Variants in GLRA3 observed in about 807,000 individuals in gnomAD.
GLRA3 encodes the protein glycine receptor subunit alpha-3.
In GLRA3, 44 loss-of-function variants were observed where a neutral mutation model predicts 60.4. That is an observed-to-expected ratio of 0.73 (90% confidence interval 0.57 to 0.94). The LOEUF (loss-of-function observed/expected upper bound fraction) is 0.94, where lower values mean the gene tolerates loss of function less well. GLRA3 is among the 40% of genes least tolerant of loss of function. The pLI, the probability that GLRA3 is intolerant of heterozygous loss-of-function variation, is 0.00. For synonymous variants in GLRA3, 223 were observed against 192.9 expected, an observed-to-expected ratio of 1.16 and a Z score of -1.29; for missense variants, 508 against 564.6, an observed-to-expected ratio of 0.90 and a Z score of 1.02.
chr4:174,805,754 T>C (rs1444385331), intron 1 of GLRA3, among the ~76,000 whole-genome samples: 3 of 152,172 alleles, frequency 2.0e-5, no homozygotes, highest in Admixed American at 1.3e-4. Context: ...CAGGTTGATA[T>C]AGAACTCAGT....
At chr4:174,820,900 CA>C (rs776852774) in intron 1 of GLRA3, among the ~76,000 whole-genome samples, 1 of 151,850 alleles carries the variant, frequency 6.6e-6, no homozygotes, top group Non-Finnish European at 1.5e-5. Context: ...AGCTGACAAT[CA>C]TTTTTTTTTT....
intron 3 of GLRA3, among the ~76,000 whole-genome samples, chr4:174,731,577 C>T (rs756888871): frequency 4.7e-4 from 72 of 152,034 alleles, no homozygotes; most frequent in Non-Finnish European, 9.4e-4. Context: ...GAAAATTTAG[C>T]AGAGTATGTG....
Position 174,691,563 on chromosome 4 carries a change from C to T in GLRA3, c.575-8624G>A, listed in dbSNP as rs374043515. On this transcript the variant is annotated intron_variant, in intron 5 of 9. Transcript: ENST00000274093. ...CGCGCCGCCACGCCTGACTGGTTTTCGTATTTTTTTGGTGGAGACGGGGTT... is the reference window on the plus strand; with the variant it reads ...CGCGCCGCCACGCCTGACTGGTTTTTGTATTTTTTTGGTGGAGACGGGGTT... Among the ~76,000 whole-genome samples the T allele has an allele frequency of 9.6e-4, 146 of 152,300 alleles. 4 individuals carry two copies. In the South Asian group the frequency reaches 0.029, roughly 31 times the overall value.
chr4:174,678,074 T>A (rs1263213257), intron 6 of GLRA3, among the ~76,000 whole-genome samples: 1 of 152,168 alleles, frequency 6.6e-6, no homozygotes, highest in African/African-American at 2.4e-5. Flanking sequence ...ATTCCTTGAA[T>A]AATAAAGCAA....
At chr4:174,815,740 A>C (rs1740471197) in intron 1 of GLRA3, among the ~76,000 whole-genome samples, 1 of 152,166 alleles carries the variant, frequency 6.6e-6, no homozygotes, top group South Asian at 2.1e-4. Flanking sequence ...TAGGCTGCAC[A>C]CAGAAAAGGG....
At chr4:174,703,670 A>C (rs890952527) in intron 5 of GLRA3, among the ~76,000 whole-genome samples, 1 of 152,186 alleles carries the variant, frequency 6.6e-6, no homozygotes, top group Non-Finnish European at 1.5e-5. Flanking sequence ...AATTTATGGA[A>C]TCCTAGAGTT....
At chr4:174,723,076 A>G (rs2111117427) in intron 4 of GLRA3, 1 of 167,178 alleles carries the variant, frequency 6.0e-6, no homozygotes, top group Admixed American at 6.5e-5. Flanking sequence ...GGATGATGTC[A>G]TTTATAAGAG....
rs764266241 is a variant in GLRA3, at chr4:174,798,752, G to A, written c.72-9809C>T. Among the ~76,000 whole-genome samples the A allele has an allele frequency of 2.7e-4, 41 of 152,026 alleles. 1 individual carries two copies. The highest frequency in any genetic ancestry group is 1.9e-4 in the East Asian group (1 of 5,162). ...ATCCTGGCTAACACGGTGAAACCCC[G>A]TCTCTACTAAAAATACAAAAAATTA... On this transcript the variant is annotated intron_variant, in intron 1 of 9. Coordinates refer to ENST00000274093, the MANE Select transcript of GLRA3 (RefSeq NM_006529.4).
chr4:174,819,611 A>T (rs75630022), intron 1 of GLRA3, among the ~76,000 whole-genome samples: 4,554 of 152,240 alleles, frequency 0.03, 201 homozygotes, highest in African/African-American at 0.1. Flanking sequence ...AATATTTATC[A>T]TTATTACTAT....
rs193038787 is a variant in GLRA3 at position 174,702,994 on chromosome 4, G to A, written c.574+12494C>T. On this transcript the variant is annotated intron_variant, in intron 5 of 9. Coordinates refer to ENST00000274093, the MANE Select transcript of GLRA3 (RefSeq NM_006529.4). ...AGTGGTATGAATCTCCCTTACTCAC[G>A]CCCAGTGCTAACACTTGGGCAAGGT... Among the ~76,000 whole-genome samples the A allele has an allele frequency of 2.2e-3, 339 of 152,098 alleles. 11 individuals carry two copies. Among genetic ancestry groups the A allele is most frequent in the Non-Finnish European group, 4.7e-4 (32 of 68,012 alleles).
At chr4:174,644,211 T>C (rs1482105717) in intron 9 of GLRA3, 147 bp from the exon 10 acceptor site, 2 of 593,992 alleles carry the variant, frequency 3.4e-6, no homozygotes, top group Non-Finnish European at 6.0e-6. Context: ...ATGAATTGGT[T>C]TTTATTCCCT....
At chr4:174,703,819 T>C (rs558039866) in intron 5 of GLRA3, among the ~76,000 whole-genome samples, 2 of 152,328 alleles carry the variant, frequency 1.3e-5, no homozygotes, top group African/African-American at 4.8e-5. Context: ...GAATTCCTCC[T>C]TTTATGCAGG....
rs150985451 is a variant in GLRA3 at position 174,788,657 on chromosome 4, T to C, written c.199+159A>G. ...AGGCAAATTATGATAATTGAGAACA[T>C]GGGAATGGATTTCTTTTTCAAGACA... On this transcript the variant is annotated intron_variant, in intron 2 of 9. Transcript: ENST00000274093. Among the ~76,000 whole-genome samples, 4 of 142,572 alleles carry C rather than the reference T, an allele frequency of 2.8e-5. No individual in the cohort carries two copies. The East Asian group carries it at 8.4e-4, about 30-fold the overall frequency. 93.5% of individuals were successfully genotyped at this position (142,572 alleles called of 152,430 possible).
chr4:174,660,957 A>G (rs1291849856), intron 7 of GLRA3, among the ~76,000 whole-genome samples: 2 of 152,176 alleles, frequency 1.3e-5, no homozygotes, highest in East Asian at 1.9e-4. Context: ...CGCCCTCATT[A>G]TTTGAGCATT....
At position 174,682,942 on chromosome 4, in the gene GLRA3, A is replaced by G; in HGVS notation, c.575-3T>C. On this transcript the variant is annotated splice_polypyrimidine_tract_variant and splice_region_variant and intron_variant, in intron 5 of 9. Coordinates refer to ENST00000274093, the MANE Select transcript of GLRA3 (RefSeq NM_006529.4). ...GAGATCATTCATTGTGTACCCAACT[A>G]GGCAAAACATAATAAAAATATGAAT... The G allele has an allele frequency of 6.2e-7, 1 of 1,607,864 alleles. No individual in the cohort carries two copies. The highest frequency in any genetic ancestry group is 8.5e-7 in the Non-Finnish European group (1 of 1,175,730).
intron 3 of GLRA3, among the ~76,000 whole-genome samples, chr4:174,731,027 T>C (rs1365795338): frequency 1.3e-5 from 2 of 152,208 alleles, no homozygotes; most frequent in Admixed American, 1.3e-4. Flanking sequence ...GTTAGTGAGA[T>C]GATGAATATG....
chr4:174,652,002 A>C (rs1295205783), intron 9 of GLRA3, among the ~76,000 whole-genome samples: 1 of 152,000 alleles, frequency 6.6e-6, no homozygotes, highest in Non-Finnish European at 1.5e-5. Flanking sequence ...GAGCCCCTGG[A>C]CCTTAAAAAC....
At chr4:174,672,489 G>T (rs1733945341) in intron 7 of GLRA3, among the ~76,000 whole-genome samples, 1 of 152,118 alleles carries the variant, frequency 6.6e-6, no homozygotes, top group Non-Finnish European at 1.5e-5. Context: ...GAGAACAGAA[G>T]TGACTGTGTG....
chr4:174,742,853 G>C (rs1305114858), intron 3 of GLRA3, among the ~76,000 whole-genome samples: 2 of 152,110 alleles, frequency 1.3e-5, no homozygotes, highest in Non-Finnish European at 2.9e-5. Flanking sequence ...GAGCAGAGTT[G>C]GTGGAGAAGG....
Sources: gnomAD v4.1 joint callset for allele counts (sites outside exome capture counted in the v4.1 genomes callset) on GRCh38, gnomAD v4.1.1 for gene constraint, MANE v1.5 for transcripts, NCBI Gene and HGNC (gene_info 2026-07-23, HGNC 2026-07-21) for gene names.